Variants in PRKD2 observed in about 807,000 individuals in gnomAD.
PRKD2 encodes protein kinase D2.
PRKD2 carries 22 observed loss-of-function variants against 86.0 expected under a neutral mutation model. The ratio of observed to expected loss-of-function variants is 0.26; its 90% CI spans 0.18 to 0.37. PRKD2 has a LOEUF of 0.37. PRKD2 is among the 10% of genes least tolerant of loss of function. The probability of loss-of-function intolerance (pLI) is 1.00; values close to 1 mark genes in which losing one functional copy is unlikely to be tolerated. For synonymous variants in PRKD2, 509 were observed against 510.9 expected, an observed-to-expected ratio of 1.00 and a Z score of 0.05; for missense variants, 818 against 1,199.2, an observed-to-expected ratio of 0.68 and a Z score of 4.70.
chr19:46,675,028 A>G lies in PRKD2; in HGVS notation c.2424+5T>C. On this transcript the variant is annotated splice_donor_5th_base_variant and intron_variant, in intron 17 of 17. Coordinates refer to ENST00000291281, the MANE Select transcript of PRKD2 (RefSeq NM_016457.5). The stretch of plus-strand genomic sequence containing the variant: ...CCAATGGGCCAGCCCTGCCCCCTGC[A>G]TCACCTGTAACCAGGGGTGGCTGAG... 1 of 1,603,500 alleles carries G rather than the reference A, an allele frequency of 6.2e-7. No homozygotes were observed. Among genetic ancestry groups the G allele is most frequent in the African/African-American group, 1.3e-5 (1 of 74,906 alleles).
At chr19:46,703,870 G>A (rs1297337113) in intron 5 of PRKD2, among the ~76,000 whole-genome samples, 2 of 151,846 alleles carry the variant, frequency 1.3e-5, no homozygotes, top group Non-Finnish European at 2.9e-5. Flanking sequence ...CTTGAACCCA[G>A]GAGGTTGAAG....
chr19:46,678,716 C>T lies in PRKD2; in HGVS notation c.2071-53G>A. On this transcript the variant is annotated intron_variant, in intron 15 of 17. Transcript: ENST00000291281. This position sits in a 1 kb window ranked among gnomAD's most constrained non-coding sequence, Gnocchi z 5.7. ...ACCAGGTGATGGAGCCGCACCCACC[C>T]CAGCATCCCCACCACACCACCCTCC... is the stretch of plus-strand genomic sequence containing the variant. The T allele has an allele frequency of 1.3e-6, 2 of 1,549,254 alleles. No homozygotes were observed. The highest frequency in any genetic ancestry group is 1.2e-5 in the South Asian group (1 of 85,178).
rs1390282955 is a variant in PRKD2 at position 46,716,382 on chromosome 19, G to T, written c.-12C>A. On this transcript the variant is annotated 5_prime_UTR_variant, in exon 1 of 18. Transcript: ENST00000291281. This position sits in a 1 kb window ranked among gnomAD's most constrained non-coding sequence, Gnocchi z 7.9. Reference sequence around the variant, plus strand: ...GGGGCGGTGGCCATGGGGGGAGGCCGGGGACCGGCCGCCTGGAGCCCACCC... The same window carrying T: ...GGGGCGGTGGCCATGGGGGGAGGCCTGGGACCGGCCGCCTGGAGCCCACCC... 1.4e-6 allele frequency: 2 copies of T among 1,388,308 alleles called. No individual in the cohort carries two copies. Among genetic ancestry groups the T allele is most frequent in the Non-Finnish European group, 1.9e-6 (2 of 1,069,910 alleles). The allele number at this position is 1,388,308 out of a possible 1,614,324, so 86.0% of individuals were successfully genotyped here.
At chr19:46,675,166 T>C in intron 16 of PRKD2, 48 bp from the exon 17 acceptor site, 1 of 1,519,986 alleles carries the variant, frequency 6.6e-7, no homozygotes, top group Non-Finnish European at 9.0e-7. Context: ...CAAGGGTCAC[T>C]CCTCCTCCAA....
chr19:46,684,029 A>AC (rs10659589), intron 14 of PRKD2, among the ~76,000 whole-genome samples: 11 of 151,342 alleles, frequency 7.3e-5, no homozygotes, highest in Admixed American at 5.3e-4. Context: ...CACCAGAAGC[A>AC]ATTGTACAAC....
At chr19:46,706,215 G>A (rs1332227677) in intron 3 of PRKD2, among the ~76,000 whole-genome samples, 1 of 150,928 alleles carries the variant, frequency 6.6e-6, no homozygotes, top group Non-Finnish European at 1.5e-5. Flanking sequence ...TCAACTCCCT[G>A]TTTCCCACTG....
At chr19:46,686,306 A>T (rs1224558094) in intron 14 of PRKD2, 1 of 151,872 alleles carries the variant, frequency 6.6e-6, no homozygotes, top group Admixed American at 6.6e-5. Context: ...GGAGTTCGAG[A>T]CCCAACATGG....
chr19:46,676,552 C>T (rs755065569), intron 16 of PRKD2, among the ~76,000 whole-genome samples: 5 of 152,220 alleles, frequency 3.3e-5, no homozygotes, highest in African/African-American at 9.6e-5. Flanking sequence ...TCAAGACAAG[C>T]CAGCACTCAT....
In PRKD2 at chr19:46,703,958, AAC is replaced by A. The variant is rs10528388; in HGVS notation, c.889+209_889+210del. Among the ~76,000 whole-genome samples the A allele has an allele frequency of 4.3e-3, 577 of 133,668 alleles. 5 individuals are homozygous for A. The highest frequency in any genetic ancestry group is 0.011 in the African/African-American group (382 of 34,292). 87.7% of individuals were successfully genotyped at this position (133,668 alleles called of 152,430 possible). On this transcript the variant is annotated intron_variant, in intron 5 of 17. Transcript: ENST00000291281. Reference sequence around the variant, plus strand: ...CACCCTGTCTCCAAAAAACAACAACAACACACACACACACACACACACACACA... The same window carrying A: ...CACCCTGTCTCCAAAAAACAACAACAACACACACACACACACACACACACA...
At chr19:46,681,101 A>C (rs996773192) in intron 15 of PRKD2, among the ~76,000 whole-genome samples, 6 of 150,200 alleles carry the variant, frequency 4.0e-5, no homozygotes, top group African/African-American at 1.2e-4. Context: ...CTACAGGCGC[A>C]CACCACCACG....
At chr19:46,692,822 T>C (rs314675) in intron 10 of PRKD2, among the ~76,000 whole-genome samples, 15,613 of 152,196 alleles carry the variant, frequency 0.1, 976 homozygotes, top group Non-Finnish European at 0.14. Flanking sequence ...CTGCCAGGAA[T>C]ACTCTTTCCT....
Position 46,716,072 on chromosome 19 carries a change from G to T in PRKD2, c.240+59C>A. The T allele has an allele frequency of 6.3e-7, 1 of 1,589,354 alleles. No homozygotes were observed. Among genetic ancestry groups the T allele is most frequent in the African/African-American group, 1.4e-5 (1 of 73,114 alleles). ...CGCACACCAGGCCCCAGACCCCTCT[G>T]CCAGCGCCCCCTCCTTCAACCTCTC... is the stretch of plus-strand genomic sequence containing the variant. On this transcript the variant is annotated intron_variant, in intron 1 of 17. Transcript: ENST00000291281. This position sits in a 1 kb window ranked among gnomAD's most constrained non-coding sequence, Gnocchi z 7.9.
In PRKD2 at chr19:46,710,860, G is replaced by A. The variant is rs954360203; in HGVS notation, c.511+47C>T. The A allele has an allele frequency of 7.9e-6, 12 of 1,517,034 alleles. No individual in the cohort carries two copies. The Admixed American group carries it at 1.4e-4, about 18-fold the overall frequency. The allele number at this position is 1,517,034 out of a possible 1,614,324, so 94.0% of individuals were successfully genotyped here. The stretch of plus-strand genomic sequence containing the variant: ...CCAGGACCATTACGCTCCGCCCCCG[G>A]TGCAGAGCCCCGCCCCAGGCCCCGC... On this transcript the variant is annotated intron_variant, in intron 3 of 17. Coordinates refer to ENST00000291281, the MANE Select transcript of PRKD2 (RefSeq NM_016457.5).
In PRKD2 at chr19:46,716,098, C is replaced by G; in HGVS notation, c.240+33G>C. 1 of 1,603,796 alleles carries G rather than the reference C, an allele frequency of 6.2e-7. No homozygotes were observed. Among genetic ancestry groups the G allele is most frequent in the South Asian group, 1.1e-5 (1 of 90,476 alleles). The stretch of plus-strand genomic sequence containing the variant: ...CCAGCGCCCCCTCCTTCAACCTCTC[C>G]CCGAGCTGGATCCAGGGAGCCTGCG... On this transcript the variant is annotated intron_variant, in intron 1 of 17. Transcript: ENST00000291281. The surrounding 1 kb of genome is among the most constrained non-coding windows in gnomAD (Gnocchi z 7.9).
Position 46,678,232 on chromosome 19 carries a change from G to T in PRKD2, c.2338+164C>A. 1 of 1,108,130 alleles carries T rather than the reference G, an allele frequency of 9.0e-7. No individual in the cohort carries two copies. 68.6% of individuals were successfully genotyped at this position (1,108,130 alleles called of 1,614,324 possible). On this transcript the variant is annotated intron_variant, in intron 16 of 17. Transcript: ENST00000291281. The surrounding 1 kb of genome is among the most constrained non-coding windows in gnomAD (Gnocchi z 5.7). ...GTCCCAGCCCATCTTTTACAGGACGGCTCCTCCTGTAGCCACATCCCTCCA... is the reference window on the plus strand; with the variant it reads ...GTCCCAGCCCATCTTTTACAGGACGTCTCCTCCTGTAGCCACATCCCTCCA...
At position 46,678,687 on chromosome 19, in the gene PRKD2, C is replaced by A. The variant is rs1454784388; in HGVS notation, c.2071-24G>T. On this transcript the variant is annotated intron_variant, in intron 15 of 17. Transcript: ENST00000291281. The surrounding 1 kb of genome is among the most constrained non-coding windows in gnomAD (Gnocchi z 5.7). ...ACCTGCAGAGGGCAAGGGATGGAGG[C>A]TCCACCAGGTGATGGAGCCGCACCC... The A allele has an allele frequency of 1.3e-6, 2 of 1,593,236 alleles. No individual in the cohort carries two copies. Among genetic ancestry groups the A allele is most frequent in the South Asian group, 1.1e-5 (1 of 90,536 alleles).
intron 7 of PRKD2, 29 bp downstream of exon 7, chr19:46,700,770 C>T (rs764926001): frequency 6.3e-7 from 1 of 1,595,588 alleles, no homozygotes; most frequent in East Asian, 2.3e-5. Context: ...GGTCTTCCCC[C>T]AGGGTCTCTT....
At chr19:46,690,364 G>A (rs943381875) in intron 13 of PRKD2, among the ~76,000 whole-genome samples, 3 of 152,154 alleles carry the variant, frequency 2.0e-5, no homozygotes, top group African/African-American at 7.2e-5. Context: ...AAGTCCAAAG[G>A]GTCTGGCTCC....
intron 13 of PRKD2, among the ~76,000 whole-genome samples, chr19:46,689,986 C>T (rs2053459995): frequency 6.6e-6 from 1 of 152,068 alleles, no homozygotes; most frequent in African/African-American, 2.4e-5. Flanking sequence ...GTGATCCTCC[C>T]ACCTCAGCCT....
Sources: gnomAD v4.1 joint callset for allele counts (sites outside exome capture counted in the v4.1 genomes callset) on GRCh38, gnomAD v4.1.1 for gene constraint, Gnocchi (gnomAD v3.1) non-coding constraint, MANE v1.5 for transcripts, NCBI Gene and HGNC (gene_info 2026-07-23, HGNC 2026-07-21) for gene names.